Variants in ANKRD31 observed in about 807,000 individuals in gnomAD.
ANKRD31 encodes the protein ankyrin repeat domain 31, also known as ankyrin repeat domain-containing protein 31.
In ANKRD31, 147 loss-of-function variants were observed where a neutral mutation model predicts 186.0. That is an observed-to-expected ratio of 0.79 (90% confidence interval 0.69 to 0.91). ANKRD31 has a LOEUF of 0.91. ANKRD31 is among the 40% of genes least tolerant of loss of function. The probability of loss-of-function intolerance (pLI) is 0.00; values close to 1 mark genes in which losing one functional copy is unlikely to be tolerated. For missense variants in ANKRD31, 1,986 were observed against 2,148.8 expected (o/e 0.92, Z 1.50); for synonymous variants, 673 against 736.4 (o/e 0.91, Z 1.39).
At chr5:75,164,662 C>T (rs1752800312) in intron 11 of ANKRD31, among the ~76,000 whole-genome samples, 1 of 152,214 alleles carries the variant, frequency 6.6e-6, no homozygotes, top group African/African-American at 2.4e-5. Context: ...GCTCTAGCTT[C>T]TGCCTTTTCC....
At chr5:75,076,492 G>A (rs1744661925) in intron 25 of ANKRD31, among the ~76,000 whole-genome samples, 1 of 152,148 alleles carries the variant, frequency 6.6e-6, no homozygotes, top group Non-Finnish European at 1.5e-5. Context: ...GCGATCTCTG[G>A]GCATGCCACT....
intron 17 of ANKRD31, among the ~76,000 whole-genome samples, chr5:75,125,857 G>A (rs1398644452): frequency 6.6e-6 from 1 of 152,170 alleles, no homozygotes; most frequent in Non-Finnish European, 1.5e-5. Context: ...GGGCCGAAGA[G>A]ATTGGCAAAG....
intron 9 of ANKRD31, among the ~76,000 whole-genome samples, chr5:75,190,397 G>GT (rs1755025666): frequency 6.6e-6 from 1 of 152,044 alleles, no homozygotes; most frequent in South Asian, 2.1e-4. Context: ...TTTGATTTTG[G>GT]TATCAGTTTA....
intron 10 of ANKRD31, among the ~76,000 whole-genome samples, chr5:75,170,578 G>A (rs1448155643): frequency 1.3e-5 from 2 of 152,078 alleles, no homozygotes; most frequent in Non-Finnish European, 2.9e-5. Flanking sequence ...GTGTGTCACT[G>A]AGGTTTGGTG....
At chr5:75,096,666 ATT>A (rs75746379) in intron 22 of ANKRD31, among the ~76,000 whole-genome samples, 1 of 150,720 alleles carries the variant, frequency 6.6e-6, no homozygotes, top group African/African-American at 2.4e-5. Context: ...CTTTAAAAAA[ATT>A]TTTTTTTTAT....
At chr5:75,101,681 C>T (rs1378706645) in intron 22 of ANKRD31, among the ~76,000 whole-genome samples, 3 of 152,224 alleles carry the variant, frequency 2.0e-5, no homozygotes, top group East Asian at 3.9e-4. Flanking sequence ...TTCATTTGAT[C>T]TTCAATCACT....
At chr5:75,229,241 G>A (rs919031534) in intron 2 of ANKRD31, among the ~76,000 whole-genome samples, 1 of 152,128 alleles carries the variant, frequency 6.6e-6, no homozygotes, top group Non-Finnish European at 1.5e-5. Context: ...AGAAAGGCAC[G>A]TTTACAATGC....
chr5:75,123,886 A>G (rs1045408373), intron 17 of ANKRD31, among the ~76,000 whole-genome samples: 1 of 152,092 alleles, frequency 6.6e-6, no homozygotes, highest in Non-Finnish European at 1.5e-5. Context: ...AAGAATTCAT[A>G]AGACCTTGAA....
At chr5:75,161,215 C>T (rs1418147742) in intron 11 of ANKRD31, among the ~76,000 whole-genome samples, 1 of 152,130 alleles carries the variant, frequency 6.6e-6, no homozygotes, top group Non-Finnish European at 1.5e-5. Flanking sequence ...GACCAAAATG[C>T]TGATAATGAT....
chr5:75,229,694 G>A (rs943083382), intron 2 of ANKRD31, among the ~76,000 whole-genome samples: 23 of 151,650 alleles, frequency 1.5e-4, no homozygotes, highest in Non-Finnish European at 3.1e-4. Flanking sequence ...GTGAAACCCC[G>A]TCTCTACTAA....
At chr5:75,144,208 C>G in intron 14 of ANKRD31, 37 bp from the exon 15 acceptor site, 6 of 396,008 alleles carry the variant, frequency 1.5e-5, no homozygotes, top group Non-Finnish European at 2.7e-5. Flanking sequence ...TGTTGTTGTT[C>G]TCCTACCTGG....
chr5:75,172,483 A>G (rs1753411006), intron 10 of ANKRD31, among the ~76,000 whole-genome samples: 1 of 152,108 alleles, frequency 6.6e-6, no homozygotes, highest in African/African-American at 2.4e-5. Context: ...AAATTGATAC[A>G]CCTCTAGCAA....
intron 1 of ANKRD31, among the ~76,000 whole-genome samples, chr5:75,233,464 A>C (rs1458136427): frequency 6.6e-6 from 1 of 152,128 alleles, no homozygotes; most frequent in Admixed American, 6.6e-5. Context: ...AAAGTATTTA[A>C]TCTATTTCAT....
At chr5:75,139,923 A>AACCACT (rs1750887068) in intron 15 of ANKRD31, among the ~76,000 whole-genome samples, 2 of 152,200 alleles carry the variant, frequency 1.3e-5, no homozygotes, top group Admixed American at 1.3e-4. Context: ...ACTGACTAGC[A>AACCACT]ACCACTTCTC....
intron 19 of ANKRD31, among the ~76,000 whole-genome samples, chr5:75,115,412 T>A (rs1580354086): frequency 1.3e-5 from 2 of 152,004 alleles, no homozygotes; most frequent in South Asian, 4.1e-4. Flanking sequence ...ACAAATGGGA[T>A]CTAATTAAAC....
chr5:75,150,669 G>A (rs1294041424), intron 12 of ANKRD31, among the ~76,000 whole-genome samples: 1 of 151,898 alleles, frequency 6.6e-6, no homozygotes, highest in Non-Finnish European at 1.5e-5. Flanking sequence ...ATTAAAGTGG[G>A]CACTGGTGAA....
At chr5:75,165,234 T>C (rs1752838519) in intron 11 of ANKRD31, among the ~76,000 whole-genome samples, 1 of 152,068 alleles carries the variant, frequency 6.6e-6, no homozygotes, top group Non-Finnish European at 1.5e-5. Context: ...TCCCAAGCAT[T>C]GCAAATAAAG....
chr5:75,122,944 G>T (rs1393187731), intron 17 of ANKRD31, among the ~76,000 whole-genome samples: 1 of 151,950 alleles, frequency 6.6e-6, no homozygotes, highest in Non-Finnish European at 1.5e-5. Flanking sequence ...GAGCAATCAG[G>T]CAAAAGAAAG....
intron 22 of ANKRD31, among the ~76,000 whole-genome samples, chr5:75,093,271 G>A (rs534057694): frequency 2.0e-5 from 3 of 152,074 alleles, no homozygotes; most frequent in African/African-American, 4.8e-5. Flanking sequence ...ACCTAAGGTC[G>A]GGAGTTTGAG....
Sources: gnomAD v4.1 joint callset for allele counts (sites outside exome capture counted in the v4.1 genomes callset) on GRCh38, gnomAD v4.1.1 for gene constraint, MANE v1.5 for transcripts, NCBI Gene and HGNC (gene_info 2026-07-23, HGNC 2026-07-21) for gene names.